SLC16A9: variants seen among roughly 807,000 people sequenced by gnomAD.
The protein encoded by SLC16A9 is solute carrier family 16 member 9.
In SLC16A9, 26 loss-of-function variants were observed where a neutral mutation model predicts 44.3. That is an observed-to-expected ratio of 0.59 (90% CI 0.43 to 0.81). SLC16A9 has a LOEUF of 0.81. Among genes scored for constraint, SLC16A9 ranks in the 40% least tolerant of loss-of-function variants. SLC16A9 has a pLI of 0.00. For missense variants in SLC16A9, 559 were observed against 595.8 expected, an observed-to-expected ratio of 0.94 and a Z score of 0.64; for synonymous variants, 230 against 225.1, an observed-to-expected ratio of 1.02 and a Z score of -0.19.
intron 3 of SLC16A9, among the ~76,000 whole-genome samples, chr10:59,671,316 A>G (rs1839744683): frequency 6.6e-6 from 1 of 152,244 alleles, no homozygotes; most frequent in African/African-American, 2.4e-5. Context: ...GGACACTGCA[A>G]CAAACATGAT....
intron 1 of SLC16A9, among the ~76,000 whole-genome samples, chr10:59,708,228 C>T (rs1840687662): frequency 6.6e-6 from 1 of 152,058 alleles, no homozygotes; most frequent in African/African-American, 2.4e-5. Context: ...TTAATTATTG[C>T]AACAGATAAT....
intron 4 of SLC16A9, among the ~76,000 whole-genome samples, chr10:59,662,727 G>C (rs1442147996): frequency 2.0e-5 from 3 of 149,998 alleles, no homozygotes; most frequent in Admixed American, 2.0e-4. Context: ...GGTCATTAGA[G>C]AAATGCAAAT....
intron 1 of SLC16A9, among the ~76,000 whole-genome samples, chr10:59,698,181 A>G (rs1840443910): frequency 6.6e-6 from 1 of 152,234 alleles, no homozygotes; most frequent in African/African-American, 2.4e-5. Flanking sequence ...GGCTTTGGAA[A>G]CTTTTAAATC....
Position 59,653,868 on chromosome 10 carries a change from C to A in SLC16A9, c.1158G>T (p.Leu386Phe). 1 of 1,614,114 alleles carries A rather than the reference C, an allele frequency of 6.2e-7. No homozygotes were observed. The highest frequency in any genetic ancestry group is 1.1e-5 in the South Asian group (1 of 91,082). ...AGCTTTTGGCAAATGGAATTGCACA[C>A]AAGGCTAGGCCCATGATGATTAAGG... ...VATLIIMGLALCAIPFAKSYV... is the reference protein window; with the variant it reads ...VATLIIMGLAFCAIPFAKSYV... The change falls in exon 5 of 6, where the codon TTG becomes TTT. Residue 386 changes from leucine (L) to phenylalanine (F), a missense_variant. Leu to Phe is a conservative substitution (Grantham distance 22). Coordinates refer to ENST00000395348, the MANE Select transcript of SLC16A9 (RefSeq NM_194298.3).
intron 2 of SLC16A9, 73 bp from the exon 3 acceptor site, chr10:59,672,986 A>G: frequency 3.5e-6 from 5 of 1,437,894 alleles, no homozygotes; most frequent in Middle Eastern, 1.9e-4. Flanking sequence ...GATTCTTTCC[A>G]CCATAAAACA....
chr10:59,656,182 T>C (rs1300406170), intron 4 of SLC16A9, among the ~76,000 whole-genome samples: 1 of 152,196 alleles, frequency 6.6e-6, no homozygotes, highest in Admixed American at 6.5e-5. Flanking sequence ...CCTTCTCTCA[T>C]TAAACGTGGC....
chr10:59,652,651 G>T lies in SLC16A9; in HGVS notation c.*121C>A. On this transcript the variant is annotated 3_prime_UTR_variant, in exon 6 of 6. Transcript: ENST00000395348. ...AAAAAAAATAATTCATTCAGAGTCAGTCATTGTGAAATTTTGCTATGAGAA... is the reference window on the plus strand; with the variant it reads ...AAAAAAAATAATTCATTCAGAGTCATTCATTGTGAAATTTTGCTATGAGAA... 1.2e-6 allele frequency: 1 copy of T among 819,948 alleles called. No individual in the cohort carries two copies. The highest frequency in any genetic ancestry group is 1.9e-6 in the Non-Finnish European group (1 of 535,376). 50.8% of individuals were successfully genotyped at this position (819,948 alleles called of 1,614,324 possible). A position where few individuals can be genotyped will look rare whatever the true frequency, so the allele number is the denominator to read the frequency against.
intron 1 of SLC16A9, among the ~76,000 whole-genome samples, chr10:59,693,429 T>C (rs1840295709): frequency 6.6e-6 from 1 of 152,168 alleles, no homozygotes; most frequent in African/African-American, 2.4e-5. Flanking sequence ...CATCAGTTTT[T>C]AAGGAAAAGA....
At chr10:59,669,607 C>T (rs1299516730) in intron 3 of SLC16A9, among the ~76,000 whole-genome samples, 2 of 152,088 alleles carry the variant, frequency 1.3e-5, no homozygotes, top group South Asian at 4.2e-4. Context: ...GAGCCCAAGA[C>T]CACGGATCAC....
At chr10:59,691,452 A>G (rs1230930902) in intron 1 of SLC16A9, among the ~76,000 whole-genome samples, 1 of 152,160 alleles carries the variant, frequency 6.6e-6, no homozygotes, top group Admixed American at 6.5e-5. Context: ...TGAACTTGTA[A>G]GCATCTTTCT....
rs79223707 is a variant in SLC16A9 at position 59,695,281 on chromosome 10, A to G, written c.-36-10954T>C. ...TCTGAATATACTAAAGCCATCAAGG[A>G]ATTATACACTTTAAATAAGTGAATT... On this transcript the variant is annotated intron_variant, in intron 1 of 5. Coordinates refer to ENST00000395348, the MANE Select transcript of SLC16A9 (RefSeq NM_194298.3). Among the ~76,000 whole-genome samples, 1,113 of 152,278 alleles carry G rather than the reference A, an allele frequency of 7.3e-3. 16 individuals are homozygous for G. The highest frequency in any genetic ancestry group is 0.026 in the African/African-American group (1,076 of 41,532).
At chr10:59,657,886 T>G (rs1465362184) in intron 4 of SLC16A9, among the ~76,000 whole-genome samples, 2 of 152,076 alleles carry the variant, frequency 1.3e-5, no homozygotes, top group African/African-American at 4.8e-5. Flanking sequence ...GAAGTAAACC[T>G]GAAAAACTAG....
At chr10:59,673,287 T>C (rs1216978821) in intron 2 of SLC16A9, among the ~76,000 whole-genome samples, 1 of 152,138 alleles carries the variant, frequency 6.6e-6, no homozygotes, top group African/African-American at 2.4e-5. Context: ...AAATGGGAAT[T>C]ATAATAGTAC....
intron 4 of SLC16A9, 114 bp downstream of exon 4, chr10:59,664,113 G>C (rs889869871): frequency 4.6e-6 from 2 of 431,492 alleles, no homozygotes; most frequent in Non-Finnish European, 8.0e-6. Flanking sequence ...AAATTATTTT[G>C]CTACCTGATT....
intron 1 of SLC16A9, among the ~76,000 whole-genome samples, chr10:59,696,105 CCCACGGTCTCCCTCTCCCTCTCTTG>C (rs914742198): frequency 1.2e-4 from 18 of 152,132 alleles, no homozygotes; most frequent in East Asian, 7.8e-4. Context: ...TCTCCGTCTC[CCCACGGTCTCCCTCTCCCTCTCTTG>C]CCACGGTCTC....
intron 4 of SLC16A9, among the ~76,000 whole-genome samples, chr10:59,660,103 G>A (rs1839437058): frequency 6.6e-6 from 1 of 152,146 alleles, no homozygotes; most frequent in South Asian, 2.1e-4. Context: ...GGAGAAGCAA[G>A]AGCAAACAAA....
intron 1 of SLC16A9, among the ~76,000 whole-genome samples, chr10:59,696,695 G>A: frequency 6.6e-6 from 1 of 151,348 alleles, no homozygotes; most frequent in Non-Finnish European, 1.5e-5. Context: ...TCTGAGATGT[G>A]GGGAGCACCT....
chr10:59,662,551 T>C (rs1468896982), intron 4 of SLC16A9, among the ~76,000 whole-genome samples: 1 of 137,800 alleles, frequency 7.3e-6, no homozygotes, highest in Non-Finnish European at 1.5e-5. Flanking sequence ...AGGAGATCAC[T>C]TGAAACTGGA....
intron 1 of SLC16A9, among the ~76,000 whole-genome samples, chr10:59,700,691 A>G (rs1455348853): frequency 6.6e-6 from 1 of 152,206 alleles, no homozygotes; most frequent in Non-Finnish European, 1.5e-5. Flanking sequence ...GAAAAGCATG[A>G]AAGGGTACTC....
Sources: gnomAD v4.1 joint callset for allele counts (sites outside exome capture counted in the v4.1 genomes callset) on GRCh38, gnomAD v4.1.1 for gene constraint, MANE v1.5 for transcripts, NCBI Gene and HGNC (gene_info 2026-07-23, HGNC 2026-07-21) for gene names.